Variants in STX16 observed in about 807,000 individuals in gnomAD.
STX16 encodes the protein syntaxin-16.
Under a neutral mutation model 42.7 loss-of-function variants are expected in STX16, and 28 were observed. The ratio of observed to expected loss-of-function variants is 0.66; its 90% CI spans 0.49 to 0.90. STX16 has a LOEUF of 0.90. STX16 is among the 40% of genes least tolerant of loss of function. STX16 has a pLI of 0.00. For synonymous variants in STX16, 156 were observed against 155.2 expected (o/e 1.00, Z -0.04); for missense variants, 361 against 420.9 (o/e 0.86, Z 1.24).
chr20:58,673,174 G>T (rs1164551685), intron 7 of STX16, among the ~76,000 whole-genome samples: 1 of 152,180 alleles, frequency 6.6e-6, no homozygotes, highest in Admixed American at 6.5e-5. Flanking sequence ...GTGGATCCAC[G>T]TTTATAGACG....
At position 58,652,012 on chromosome 20, in the gene STX16, C is replaced by T. The variant is rs2122875905; in HGVS notation, c.6C>T (p.Ala2=). 6.2e-7 allele frequency: 1 copy of T among 1,614,134 alleles called. No homozygotes were observed. Among genetic ancestry groups the T allele is most frequent in the Non-Finnish European group, 8.5e-7 (1 of 1,179,992 alleles). Residue 2 remains alanine, a synonymous_variant, in exon 1 of 9, where the codon GCC becomes GCT. Coordinates refer to ENST00000371141, the MANE Select transcript of STX16 (RefSeq NM_001001433.3). ...GGGGTCGCAAAGGGTGAGACATGGCCACCAGGCGTTTAACCGACGCTTTCT... is the reference window on the plus strand; with the variant it reads ...GGGGTCGCAAAGGGTGAGACATGGCTACCAGGCGTTTAACCGACGCTTTCT... M[A]TRRLTDAFLL... is the part of the protein sequence containing the mutation.
intron 2 of STX16, among the ~76,000 whole-genome samples, chr20:58,666,747 A>T (rs1423907487): frequency 3.3e-5 from 5 of 152,286 alleles, no homozygotes; most frequent in South Asian, 4.1e-4. Flanking sequence ...TCCCATTCTT[A>T]AAAGCTTTCT....
intron 8 of STX16, among the ~76,000 whole-genome samples, chr20:58,675,538 AG>A (rs1221914020): frequency 6.6e-6 from 1 of 152,184 alleles, no homozygotes; most frequent in Non-Finnish European, 1.5e-5. Flanking sequence ...AGAGATGTGC[AG>A]GGTGCAGCCT....
rs1460133061 is a variant in STX16 at position 58,670,557 on chromosome 20, C to G, written c.602C>G (p.Ser201Ter). The G allele has an allele frequency of 6.2e-7, 1 of 1,614,106 alleles. No individual in the cohort carries two copies. Among genetic ancestry groups the G allele is most frequent in the South Asian group, 1.1e-5 (1 of 91,080 alleles). The change falls in exon 6 of 9, where the codon TCA becomes TGA. Residue 201 changes from serine (S) to a stop codon, truncating the protein, a stop_gained. Coordinates refer to ENST00000371141, the MANE Select transcript of STX16 (RefSeq NM_001001433.3). LOFTEE classifies it high-confidence loss of function. The stretch of plus-strand genomic sequence containing the variant: ...AGATCCCAGCATTTTTTCGACACAT[C>G]AGTACCACTAATGGATGATGGAGAC... ...EERSQHFFDT[S>*]VPLMDDGDDN...
chr20:58,668,298 G>A (rs182378313), intron 4 of STX16, among the ~76,000 whole-genome samples, 171 bp downstream of exon 4: 75 of 152,324 alleles, frequency 4.9e-4, no homozygotes, highest in Admixed American at 3.3e-4. Context: ...GTACCTGTGA[G>A]GCCTTGGAGG....
chr20:58,663,827 G>T (rs1159984314), intron 2 of STX16, among the ~76,000 whole-genome samples: 2 of 152,130 alleles, frequency 1.3e-5, no homozygotes, highest in Non-Finnish European at 2.9e-5. Flanking sequence ...ACAGGTGCAT[G>T]CCACCATGCC....
chr20:58,673,575 G>A, intron 7 of STX16, 56 bp from the exon 8 acceptor site: 2 of 1,215,902 alleles, frequency 1.6e-6, no homozygotes, highest in East Asian at 2.3e-5. Context: ...CATTTTTGAC[G>A]TTCAGTTTTC....
At chr20:58,666,551 C>T (rs2083836856) in intron 2 of STX16, among the ~76,000 whole-genome samples, 1 of 151,896 alleles carries the variant, frequency 6.6e-6, no homozygotes. Flanking sequence ...GCCTCAGCCT[C>T]CCGAGTAGCT....
intron 2 of STX16, among the ~76,000 whole-genome samples, chr20:58,660,424 T>C (rs1331485315): frequency 1.3e-5 from 2 of 152,172 alleles, no homozygotes; most frequent in Non-Finnish European, 2.9e-5. Flanking sequence ...AATAGTAAAG[T>C]AGGATTAGGA....
chr20:58,652,249 G>C (rs754983349), intron 1 of STX16, 111 bp downstream of exon 1: 1 of 1,445,706 alleles, frequency 6.9e-7, no homozygotes, highest in Non-Finnish European at 9.4e-7. Context: ...AGAATAATAA[G>C]ACTAAGAATA....
intron 4 of STX16, 76 bp downstream of exon 4, chr20:58,668,203 G>A: frequency 1.9e-6 from 3 of 1,560,258 alleles, no homozygotes; most frequent in Non-Finnish European, 2.6e-6. Context: ...GTGTTACTCA[G>A]AATCAGTCTC....
At position 58,670,609 on chromosome 20, in the gene STX16, T is replaced by G. The variant is rs1397080559; in HGVS notation, c.648+6T>G. 1.2e-6 allele frequency: 2 copies of G among 1,612,700 alleles called. No homozygotes were observed. The highest frequency in any genetic ancestry group is 1.7e-4 in the Middle Eastern group (1 of 6,054). On this transcript the variant is annotated splice_donor_region_variant and intron_variant, in intron 6 of 8. Transcript: ENST00000371141. Reference sequence around the variant, plus strand: ...ATAACACTCTTTACCATCGGGTACGTGAACGGGCTGCAAAGCTGATTGCTG... The same window carrying G: ...ATAACACTCTTTACCATCGGGTACGGGAACGGGCTGCAAAGCTGATTGCTG...
intron 1 of STX16, among the ~76,000 whole-genome samples, chr20:58,654,341 A>T (rs909830655): frequency 1.6e-4 from 25 of 152,194 alleles, no homozygotes; most frequent in Non-Finnish European, 3.7e-4. Context: ...TAAAACACAG[A>T]TTTATATATT....
At position 58,676,356 on chromosome 20, in the gene STX16, G is replaced by A. The variant is rs1001494076; in HGVS notation, c.*65G>A. The stretch of plus-strand genomic sequence containing the variant: ...CCCGGGTGTGAGGGGCTTGGCCTGC[G>A]CCCCGCCAGCTGCCCGCAGAGGTGC... On this transcript the variant is annotated 3_prime_UTR_variant, in exon 9 of 9. Transcript: ENST00000371141. The A allele has an allele frequency of 1.3e-5, 19 of 1,435,258 alleles. No individual in the cohort carries two copies. The African/African-American group carries it at 2.1e-4, about 16-fold the overall frequency. 88.9% of individuals were successfully genotyped at this position (1,435,258 alleles called of 1,614,324 possible). A position where few individuals can be genotyped will look rare whatever the true frequency, so the allele number is the denominator to read the frequency against.
At chr20:58,667,103 A>T (rs1227976132) in intron 2 of STX16, 1 of 282,118 alleles carries the variant, frequency 3.5e-6, no homozygotes, top group African/African-American at 2.2e-5. Context: ...AACTGATCAC[A>T]AGAATCATTG....
chr20:58,656,927 TA>T (rs1217606840), intron 1 of STX16, among the ~76,000 whole-genome samples: 8 of 152,138 alleles, frequency 5.3e-5, no homozygotes, highest in Non-Finnish European at 8.8e-5. Flanking sequence ...CAGATACAGA[TA>T]AGGAAACAGA....
chr20:58,674,876 T>C (rs1288174434), intron 8 of STX16, among the ~76,000 whole-genome samples: 2 of 152,254 alleles, frequency 1.3e-5, no homozygotes, highest in Non-Finnish European at 2.9e-5. Context: ...TAGTGAAATA[T>C]GTTTTGTAAT....
intron 2 of STX16, 141 bp downstream of exon 2, chr20:58,659,775 T>A (rs2083656961): frequency 2.3e-6 from 2 of 858,538 alleles, no homozygotes; most frequent in African/African-American, 3.5e-5. Flanking sequence ...ATAATTTTTT[T>A]AACAGTTTAA....
At position 58,657,447 on chromosome 20, in the gene STX16, T is replaced by C. The variant is rs558855112; in HGVS notation, c.133-2176T>C. Among the ~76,000 whole-genome samples, 4 of 152,218 alleles carry C rather than the reference T, an allele frequency of 2.6e-5. No homozygotes were observed. The highest frequency in any genetic ancestry group is 5.9e-5 in the Non-Finnish European group (4 of 68,034). On this transcript the variant is annotated intron_variant, in intron 1 of 8. Coordinates refer to ENST00000371141, the MANE Select transcript of STX16 (RefSeq NM_001001433.3). The surrounding 1 kb of genome is among the most constrained non-coding windows in gnomAD (Gnocchi z 4.2). ...ATATCACTATAGCATAGACCTGTGT[T>C]TCCAACTCATTTTGCTCAACTTTTC...
Sources: allele counts gnomAD v4.1 joint callset (sites outside exome capture counted in the v4.1 genomes callset), GRCh38; gene constraint gnomAD v4.1.1; non-coding constraint Gnocchi (gnomAD v3.1); transcripts MANE v1.5; gene names NCBI Gene and HGNC (gene_info 2026-07-23, HGNC 2026-07-21).